The following MYL11 variants were observed in gnomAD, a reference collection of about 807,000 sequenced individuals.
MYL11 encodes myosin light chain 11.
chr16:30,377,563 G>A, the MYL11 span: 1 of 1,328,982 alleles, frequency 7.5e-7, no homozygotes, highest in Non-Finnish European at 9.9e-7. Context: ...GTTTTCAGGG[G>A]AGGCTGGGGC....
chr16:30,377,841 G>A, the MYL11 span: 2 of 1,614,130 alleles, frequency 1.2e-6, no homozygotes, highest in African/African-American at 1.3e-5. Context: ...GGGCGGCAAC[G>A]TCGACTACAA....
chr16:30,377,558 C>A, the MYL11 span: 1 of 1,310,246 alleles, frequency 7.6e-7, no homozygotes, highest in Non-Finnish European at 1.0e-6. Flanking sequence ...CCTGGGTTTT[C>A]AGGGGAGGCT....
At chr16:30,376,908 C>T in the MYL11 span, among the ~76,000 whole-genome samples, 1 of 152,072 alleles carries the variant, frequency 6.6e-6, no homozygotes, top group Non-Finnish European at 1.5e-5. Context: ...TTTCTAAAAA[C>T]TTAACTAAAA....
At chr16:30,374,729 G>A in the MYL11 span, 4 of 1,262,474 alleles carry the variant, frequency 3.2e-6, no homozygotes, top group Non-Finnish European at 4.3e-6. Flanking sequence ...CACCCGCAGG[G>A]CTAAGGTTAC....
At chr16:30,371,143 G>C in the MYL11 span, 3 of 152,302 alleles carry the variant, frequency 2.0e-5, no homozygotes, top group African/African-American at 7.2e-5. Flanking sequence ...AGCATCCAAA[G>C]GGCAAAGATG....
the MYL11 span, chr16:30,375,675 C>A: frequency 1.5e-6 from 1 of 657,752 alleles, no homozygotes; most frequent in Non-Finnish European, 2.6e-6. Flanking sequence ...GCCCCCTCAG[C>A]AAAGAGGTCC....
the MYL11 span, chr16:30,376,425 C>T: frequency 1.4e-5 from 22 of 1,612,160 alleles, no homozygotes; most frequent in Admixed American, 3.3e-5. Context: ...CCCTCCAGGC[C>T]GCCTCAATGT....
the MYL11 span, chr16:30,376,189 G>A: frequency 1.2e-6 from 2 of 1,614,052 alleles, no homozygotes; most frequent in Non-Finnish European, 1.7e-6. Context: ...TTATAGACAA[G>A]GAGGACCTTC....
chr16:30,377,654 C>A, the MYL11 span: 1 of 1,516,468 alleles, frequency 6.6e-7, no homozygotes, highest in Admixed American at 2.1e-5. Flanking sequence ...CTCTCTCCAG[C>A]CTGGAGGAGC....
the MYL11 span, chr16:30,376,679 G>A: frequency 6.2e-7 from 1 of 1,613,978 alleles, no homozygotes; most frequent in Non-Finnish European, 8.5e-7. Context: ...TGAGGGAAAG[G>A]GCACCATCAA....
the MYL11 span, chr16:30,376,700 T>A: frequency 6.2e-7 from 1 of 1,613,270 alleles, no homozygotes. Context: ...GAAGAAGTTG[T>A]AAGCATCGGC....
chr16:30,372,627 G>T, the MYL11 span, among the ~76,000 whole-genome samples: 1 of 151,374 alleles, frequency 6.6e-6, no homozygotes, highest in Non-Finnish European at 1.5e-5. Flanking sequence ...GGCTATCAAG[G>T]CACCTCACAG....
chr16:30,372,128 C>A, the MYL11 span, among the ~76,000 whole-genome samples: 1 of 152,164 alleles, frequency 6.6e-6, no homozygotes, highest in Non-Finnish European at 1.5e-5. Context: ...AGCTCTCCTC[C>A]CATTCCCCTT....
At chr16:30,376,477 G>A in the MYL11 span, 1 of 1,614,146 alleles carries the variant, frequency 6.2e-7, no homozygotes, top group South Asian at 1.1e-5. Context: ...GAAGCCAGCG[G>A]TCCCATCAAC....
At chr16:30,376,768 C>A in the MYL11 span, 1 of 1,464,520 alleles carries the variant, frequency 6.8e-7, no homozygotes, top group Non-Finnish European at 9.4e-7. Flanking sequence ...CTGACAGCCT[C>A]CTTAAATTTC....
At chr16:30,375,759 T>C in the MYL11 span, 4 of 1,387,610 alleles carry the variant, frequency 2.9e-6, no homozygotes, top group South Asian at 4.8e-5. Context: ...CTTAATCCAT[T>C]GCCCCCAGAG....
chr16:30,377,975 C>T, the MYL11 span: 4 of 1,439,718 alleles, frequency 2.8e-6, no homozygotes, highest in Non-Finnish European at 3.8e-6. Flanking sequence ...TAAAATTTAA[C>T]TGATCTTTGT....
chr16:30,373,537 A>G, the MYL11 span, among the ~76,000 whole-genome samples: 1 of 151,834 alleles, frequency 6.6e-6, no homozygotes. Flanking sequence ...CGGAGGTTAC[A>G]GTGAGCCAAG....
chr16:30,374,181 C>T, the MYL11 span, among the ~76,000 whole-genome samples: 2 of 151,624 alleles, frequency 1.3e-5, no homozygotes, highest in Non-Finnish European at 2.9e-5. Flanking sequence ...AGCCTGGCTT[C>T]GTGGCACACC....
Sources: allele counts gnomAD v4.1 joint callset (sites outside exome capture counted in the v4.1 genomes callset), GRCh38; gene constraint gnomAD v4.1.1; transcripts MANE v1.5; gene names NCBI Gene and HGNC (gene_info 2026-07-23, HGNC 2026-07-21).